Variants in PLXDC2 observed in about 807,000 individuals in gnomAD.
The protein encoded by PLXDC2 is plexin domain containing 2.
A neutral mutation model predicts 68.9 loss-of-function variants in PLXDC2; 40 were observed. The observed-to-expected ratio is 0.58, with a 90% CI of 0.45 to 0.76. The LOEUF is 0.76. Among genes scored for constraint, PLXDC2 ranks in the 30% least tolerant of loss-of-function variants. The pLI, the probability that PLXDC2 is intolerant of heterozygous loss-of-function variation, is 0.00. For synonymous variants in PLXDC2, 243 were observed against 234.2 expected, an observed-to-expected ratio of 1.04 and a Z score of -0.34; for missense variants, 644 against 661.9, an observed-to-expected ratio of 0.97 and a Z score of 0.30.
intron 1 of PLXDC2, among the ~76,000 whole-genome samples, chr10:19,885,688 G>A (rs1387927339): frequency 6.6e-6 from 1 of 151,510 alleles, no homozygotes; most frequent in African/African-American, 2.4e-5. Flanking sequence ...ATTTCTGAGG[G>A]CTCTGTTCTG....
At chr10:19,948,711 T>G (rs1037381121) in intron 1 of PLXDC2, among the ~76,000 whole-genome samples, 2 of 152,134 alleles carry the variant, frequency 1.3e-5, no homozygotes, top group Non-Finnish European at 2.9e-5. Context: ...CAACCCTCTC[T>G]TTTCTTTGTG....
At chr10:19,966,868 G>A (rs1281165318) in intron 1 of PLXDC2, among the ~76,000 whole-genome samples, 1 of 152,104 alleles carries the variant, frequency 6.6e-6, no homozygotes, top group Non-Finnish European at 1.5e-5. Flanking sequence ...CAGAGGCCAG[G>A]GGGAAACACT....
chr10:20,117,430 C>A (rs1292891060), intron 4 of PLXDC2, among the ~76,000 whole-genome samples: 1 of 151,968 alleles, frequency 6.6e-6, no homozygotes, highest in Admixed American at 6.6e-5. Flanking sequence ...TGTGTGAGTG[C>A]ACATGTATAC....
intron 5 of PLXDC2, among the ~76,000 whole-genome samples, chr10:20,146,759 G>A (rs1466697029): frequency 1.3e-5 from 2 of 151,944 alleles, no homozygotes; most frequent in Non-Finnish European, 2.9e-5. Context: ...GAAATAATGT[G>A]TCTATTTAAA....
At chr10:20,077,031 C>T (rs1836463896) in intron 4 of PLXDC2, among the ~76,000 whole-genome samples, 1 of 152,016 alleles carries the variant, frequency 6.6e-6, no homozygotes, top group South Asian at 2.1e-4. Context: ...ATTATTATAC[C>T]CACGTATTCA....
intron 4 of PLXDC2, among the ~76,000 whole-genome samples, chr10:20,071,438 T>C (rs1000774388): frequency 6.6e-6 from 1 of 152,104 alleles, no homozygotes; most frequent in African/African-American, 2.4e-5. Context: ...TGGGAGGTAA[T>C]TGAATCATGG....
intron 12 of PLXDC2, among the ~76,000 whole-genome samples, chr10:20,232,183 T>G (rs1414943315): frequency 1.3e-5 from 2 of 152,158 alleles, no homozygotes; most frequent in East Asian, 1.9e-4. Flanking sequence ...GGATACCATA[T>G]CATGCCCATT....
intron 1 of PLXDC2, among the ~76,000 whole-genome samples, chr10:19,983,511 C>T (rs561866833): frequency 3.3e-5 from 5 of 152,136 alleles, no homozygotes; most frequent in Non-Finnish European, 7.3e-5. Context: ...GAACAATGTA[C>T]TGCTGAGGGG....
intron 9 of PLXDC2, among the ~76,000 whole-genome samples, chr10:20,199,476 A>G (rs1199689130): frequency 6.6e-6 from 1 of 151,978 alleles, no homozygotes; most frequent in Non-Finnish European, 1.5e-5. Context: ...TTTGTAGATA[A>G]AAGAATCAGT....
intron 1 of PLXDC2, among the ~76,000 whole-genome samples, chr10:19,957,272 C>G (rs981260837): frequency 6.6e-6 from 1 of 152,014 alleles, no homozygotes; most frequent in African/African-American, 2.4e-5. Context: ...ATATTGCTCT[C>G]TTTGTAGTTC....
chr10:20,083,401 C>T (rs1008232646), intron 4 of PLXDC2, among the ~76,000 whole-genome samples: 4 of 147,032 alleles, frequency 2.7e-5, no homozygotes, highest in East Asian at 4.1e-4. Flanking sequence ...GGTGTGAACC[C>T]GGGAGGCGGA....
intron 7 of PLXDC2, 56 bp from the exon 8 acceptor site, chr10:20,176,932 ATTAAAATGCTG>A: frequency 8.5e-7 from 1 of 1,181,162 alleles, no homozygotes. Context: ...TATATCCATT[ATTAAAATGCTG>A]TTGTTTTGTA....
At chr10:19,835,460 C>T (rs974863247) in intron 1 of PLXDC2, among the ~76,000 whole-genome samples, 4 of 152,120 alleles carry the variant, frequency 2.6e-5, no homozygotes, top group Non-Finnish European at 5.9e-5. Flanking sequence ...TTAGACTTGG[C>T]GAGTACTGAG....
intron 10 of PLXDC2, 139 bp from the exon 11 acceptor site, chr10:20,217,287 A>G: frequency 1.5e-6 from 1 of 657,042 alleles, no homozygotes; most frequent in Non-Finnish European, 2.3e-6. Flanking sequence ...AATCATTAAT[A>G]TAGTCTTGTA....
chr10:20,069,881 A>G (rs1172837896), intron 4 of PLXDC2, among the ~76,000 whole-genome samples: 2 of 152,122 alleles, frequency 1.3e-5, no homozygotes, highest in African/African-American at 4.8e-5. Context: ...ATGATAAGCT[A>G]TGGGTTTCCA....
chr10:20,001,916 A>G lies in PLXDC2; in HGVS notation c.254A>G (p.Asp85Gly). 6.2e-7 allele frequency: 1 copy of G among 1,613,196 alleles called. No homozygotes were observed. The highest frequency in any genetic ancestry group is 8.5e-7 in the Non-Finnish European group (1 of 1,179,946). Residue 85 changes from aspartate to glycine, a missense_variant, in exon 2 of 14, where the codon GAC (aspartate) becomes GGC (glycine). Coordinates refer to ENST00000377252, the MANE Select transcript of PLXDC2 (RefSeq NM_032812.9). Reference protein sequence around the residue: ...VDTNRASVGQDSPEPRSFTDL... With the variant: ...VDTNRASVGQGSPEPRSFTDL... ...ACGAACCGAGCAAGCGTCGGCCAAGACTCTCCTGAGCCCAGAAGCTTCACA... is the reference window on the plus strand; with the variant it reads ...ACGAACCGAGCAAGCGTCGGCCAAGGCTCTCCTGAGCCCAGAAGCTTCACA...
chr10:19,832,872 G>A (rs956638561), intron 1 of PLXDC2, among the ~76,000 whole-genome samples: 2 of 152,308 alleles, frequency 1.3e-5, no homozygotes, highest in South Asian at 2.1e-4. Flanking sequence ...CGCTTTTGAC[G>A]CCAGATGGGC....
intron 3 of PLXDC2, among the ~76,000 whole-genome samples, chr10:20,061,560 C>T (rs1022077361): frequency 6.6e-6 from 1 of 152,026 alleles, no homozygotes; most frequent in Admixed American, 6.6e-5. Context: ...GTAAAGCTAC[C>T]ATTTTTTCCT....
intron 2 of PLXDC2, among the ~76,000 whole-genome samples, chr10:20,046,532 G>A (rs1835802167): frequency 6.6e-6 from 1 of 151,830 alleles, no homozygotes; most frequent in Non-Finnish European, 1.5e-5. Flanking sequence ...TTGATGATTT[G>A]TGAAAAAATA....
Sources: gnomAD v4.1 joint callset for allele counts (sites outside exome capture counted in the v4.1 genomes callset) on GRCh38, gnomAD v4.1.1 for gene constraint, MANE v1.5 for transcripts, NCBI Gene and HGNC (gene_info 2026-07-23, HGNC 2026-07-21) for gene names.